Variants in ZBTB20 observed in about 807,000 individuals in gnomAD.
The protein encoded by ZBTB20 is zinc finger and BTB domain-containing protein 20.
ZBTB20 carries 9 observed loss-of-function variants against 56.9 expected under a neutral mutation model. That is an observed-to-expected ratio of 0.16 (90% CI 0.10 to 0.28). ZBTB20 has a LOEUF of 0.28. ZBTB20 is among the 10% of genes least tolerant of loss of function. The probability of loss-of-function intolerance (pLI) is 1.00; values close to 1 mark genes in which losing one functional copy is unlikely to be tolerated. For synonymous variants in ZBTB20, 417 were observed against 420.7 expected (o/e 0.99, Z 0.11); for missense variants, 655 against 1,003.0 (o/e 0.65, Z 4.69).
chr3:114,841,729 G>A (rs1181289047), intron 4 of ZBTB20, among the ~76,000 whole-genome samples: 3 of 152,166 alleles, frequency 2.0e-5, no homozygotes, highest in Non-Finnish European at 4.4e-5. Flanking sequence ...TTTAGAACAT[G>A]TTGAGTATGA....
At chr3:114,861,347 T>C (rs1296344878) in intron 4 of ZBTB20, among the ~76,000 whole-genome samples, 1 of 152,210 alleles carries the variant, frequency 6.6e-6, no homozygotes, top group Non-Finnish European at 1.5e-5. Flanking sequence ...CCTTAGTTTA[T>C]TGCTAGTGTC....
At chr3:114,876,077 T>A (rs2076180277) in intron 4 of ZBTB20, among the ~76,000 whole-genome samples, 1 of 151,678 alleles carries the variant, frequency 6.6e-6, no homozygotes. Context: ...TCTACAAAAT[T>A]TTTTTTAAAA....
chr3:114,894,119 T>G (rs900350951), intron 4 of ZBTB20, among the ~76,000 whole-genome samples: 1 of 19,954 alleles, frequency 5.0e-5, no homozygotes, highest in Non-Finnish European at 1.5e-4. Context: ...GTTTATCCAT[T>G]TAAAAGCAGC....
chr3:114,816,852 T>C (rs1239495178), intron 4 of ZBTB20, among the ~76,000 whole-genome samples: 1 of 152,182 alleles, frequency 6.6e-6, no homozygotes, highest in Non-Finnish European at 1.5e-5. Flanking sequence ...GCACTATTCC[T>C]ATTTCCAAAC....
At chr3:115,145,610 C>G (rs1352698599) in intron 1 of ZBTB20, among the ~76,000 whole-genome samples, 3 of 152,130 alleles carry the variant, frequency 2.0e-5, no homozygotes, top group Non-Finnish European at 4.4e-5. Flanking sequence ...CCCCCACACC[C>G]AAAATATTTT....
At chr3:114,918,795 C>T (rs1225676360) in intron 3 of ZBTB20, among the ~76,000 whole-genome samples, 1 of 152,234 alleles carries the variant, frequency 6.6e-6, no homozygotes, top group Non-Finnish European at 1.5e-5. Context: ...ATAAAGGAGT[C>T]TCTTTCAGAG....
At chr3:114,427,814 T>C (rs980636242) in intron 7 of ZBTB20, among the ~76,000 whole-genome samples, 1 of 152,212 alleles carries the variant, frequency 6.6e-6, no homozygotes, top group Non-Finnish European at 1.5e-5. Context: ...TGGAGAATGA[T>C]TGTTAACAGA....
intron 1 of ZBTB20, among the ~76,000 whole-genome samples, chr3:115,087,170 G>C (rs1352087298): frequency 2.0e-5 from 3 of 151,706 alleles, no homozygotes; most frequent in Non-Finnish European, 2.9e-5. Context: ...AATTTAGGAG[G>C]AAAAGGTATC....
intron 4 of ZBTB20, among the ~76,000 whole-genome samples, chr3:114,834,774 T>TAAACCCAGACCCGCCCATGGCAAGA (rs2074037402): frequency 6.6e-6 from 1 of 152,100 alleles, no homozygotes; most frequent in African/African-American, 2.4e-5. Flanking sequence ...TCCCGTTCTT[T>TAAACCCAGACCCGCCCATGGCAAGA]GTCTGAAGCA....
intron 6 of ZBTB20, among the ~76,000 whole-genome samples, chr3:114,654,692 C>G (rs1171110139): frequency 6.6e-6 from 1 of 152,068 alleles, no homozygotes; most frequent in Non-Finnish European, 1.5e-5. Flanking sequence ...CAGGTCAAGG[C>G]AGTTGATGGT....
intron 2 of ZBTB20, among the ~76,000 whole-genome samples, chr3:115,013,029 A>G (rs2079788365): frequency 6.6e-6 from 1 of 151,824 alleles, no homozygotes; most frequent in Admixed American, 6.6e-5. Flanking sequence ...TGATAGTAAA[A>G]ACACAACATG....
At position 114,757,400 on chromosome 3, in the gene ZBTB20, TA is replaced by T. The variant is rs535221757; in HGVS notation, c.-343+43700del. 9.2e-5 allele frequency among the ~76,000 whole-genome samples: 14 copies of T among 152,340 alleles called. No individual in the cohort carries two copies. In the South Asian group the frequency reaches 2.9e-3, roughly 32 times the overall value. On this transcript the variant is annotated intron_variant, in intron 5 of 11. Transcript: ENST00000675478. ...AGTAGGTGGTTGCAAAACATTTTTT[TA>T]AAAATCAGAGTGCTGTATTTTTAAA... is the stretch of plus-strand genomic sequence containing the variant.
intron 1 of ZBTB20, among the ~76,000 whole-genome samples, chr3:115,104,013 T>C (rs2083653071): frequency 6.6e-6 from 1 of 152,152 alleles, no homozygotes; most frequent in Non-Finnish European, 1.5e-5. Flanking sequence ...AAGAAAATAT[T>C]ATAACCTGAT....
chr3:114,339,255 T>C lies in ZBTB20; in HGVS notation c.1976A>G (p.Glu659Gly). The C allele has an allele frequency of 6.2e-7, 1 of 1,614,186 alleles. No homozygotes were observed. Among genetic ancestry groups the C allele is most frequent in the Non-Finnish European group, 8.5e-7 (1 of 1,180,026 alleles). Residue 659 changes from glutamate to glycine, a missense_variant, in exon 12 of 12, where the codon GAG becomes GGG. Glu to Gly is a moderately conservative substitution (Grantham distance 98). Transcript: ENST00000675478. The surrounding 1 kb of genome is among the most constrained non-coding windows in gnomAD (Gnocchi z 4.2). The part of the protein sequence containing the change: ...LNVHMRLHRG[E>G]KSYECYICKK... ...GCAGATGTAGCACTCGTAGGACTTC[T>C]CTCCCCGGTGGAGGCGCATGTGCAC...
In ZBTB20 at chr3:114,339,479, A is replaced by G. The variant is rs868017810; in HGVS notation, c.1805-53T>C. On this transcript the variant is annotated intron_variant, in intron 11 of 11. Coordinates refer to ENST00000675478, the MANE Select transcript of ZBTB20 (RefSeq NM_001348800.3). This position sits in a 1 kb window ranked among gnomAD's most constrained non-coding sequence, Gnocchi z 4.2. The stretch of plus-strand genomic sequence containing the variant: ...AGGACAGAGCGAGACATAGCAAGGG[A>G]TAGAGAATGAAGGACAGGAAAAACA... The G allele has an allele frequency of 5.2e-5, 81 of 1,547,276 alleles. No homozygotes were observed. In the Middle Eastern group the frequency reaches 5.5e-4, roughly 11 times the overall value.
At chr3:115,032,273 A>C (rs1348680688) in intron 2 of ZBTB20, among the ~76,000 whole-genome samples, 1 of 151,448 alleles carries the variant, frequency 6.6e-6, no homozygotes, top group Non-Finnish European at 1.5e-5. Context: ...AGGGAGTGAT[A>C]TGATTATATA....
chr3:115,099,401 G>T (rs1391043526), intron 1 of ZBTB20, among the ~76,000 whole-genome samples: 2 of 152,112 alleles, frequency 1.3e-5, no homozygotes, highest in African/African-American at 4.8e-5. Context: ...TGCTTGTTAA[G>T]AAAGTTCGCA....
intron 6 of ZBTB20, among the ~76,000 whole-genome samples, chr3:114,540,797 T>G: frequency 6.6e-6 from 1 of 152,108 alleles, no homozygotes; most frequent in East Asian, 1.9e-4. Flanking sequence ...GTATAGCAAA[T>G]ATCCCTAATG....
intron 7 of ZBTB20, among the ~76,000 whole-genome samples, chr3:114,473,847 A>C (rs926572150): frequency 6.6e-6 from 1 of 152,178 alleles, no homozygotes; most frequent in Non-Finnish European, 1.5e-5. Context: ...CCAGAGAAGT[A>C]AGAGGTACAG....
Sources: allele counts gnomAD v4.1 joint callset (sites outside exome capture counted in the v4.1 genomes callset), GRCh38; gene constraint gnomAD v4.1.1; non-coding constraint Gnocchi (gnomAD v3.1); transcripts MANE v1.5; gene names NCBI Gene and HGNC (gene_info 2026-07-23, HGNC 2026-07-21).